KMT2D: variants seen among roughly 807,000 people sequenced by gnomAD.
KMT2D encodes lysine methyltransferase 2D.
A neutral mutation model predicts 512.7 loss-of-function variants in KMT2D; 55 were observed. The ratio of observed to expected loss-of-function variants is 0.11; its 90% CI spans 0.09 to 0.13. The LOEUF is 0.13. Among genes scored for constraint, KMT2D ranks in the 10% least tolerant of loss-of-function variants. The pLI is 1.00. For missense variants in KMT2D, 6,061 were observed against 7,127.9 expected, an observed-to-expected ratio of 0.85 and a Z score of 5.39; for synonymous variants, 2,995 against 2,904.0, an observed-to-expected ratio of 1.03 and a Z score of -1.01.
At position 49,031,777 on chromosome 12, in the gene KMT2D, G is replaced by C; in HGVS notation, c.12928C>G (p.Pro4310Ala). ...PVLGPVHPTP[P>A]PSSPQEPKRP... ...TTTGGCTCTTGAGGGCTGGATGGTG[G>C]AGGTGTGGGATGGACAGGGCCAAGG... Residue 4310 changes from proline to alanine, a missense_variant, in exon 40 of 55, where the codon CCA (proline) becomes GCA (alanine). Physicochemically the swap from Pro to Ala is conservative, Grantham distance 27 (BLOSUM62 -1). Coordinates refer to ENST00000301067, the MANE Select transcript of KMT2D (RefSeq NM_003482.4). The C allele has an allele frequency of 6.2e-7, 1 of 1,611,112 alleles. No homozygotes were observed. Among genetic ancestry groups the C allele is most frequent in the East Asian group, 2.2e-5 (1 of 44,822 alleles).
chr12:49,027,739 C>T (rs1258238361), intron 48 of KMT2D, 64 bp downstream of exon 48: 8 of 1,544,110 alleles, frequency 5.2e-6, no homozygotes, highest in Non-Finnish European at 7.0e-6. Flanking sequence ...CAGATGTGAG[C>T]CACCGCGCCT....
rs1448008808 is a variant in KMT2D, at chr12:49,052,101, GGGGTGACTCTTCCGGTGGAGACAA to G, written c.1558_1581del (p.Leu520_Pro527del). On this transcript the variant is annotated inframe_deletion, in exon 11 of 55. Transcript: ENST00000301067. ...AGAGGCGTCTCAAGTGCAGGAGATGGGGGTGACTCTTCCGGTGGAGACAAGGGCGACTCCTCCAGTGGAGAAAAA... is the reference window on the plus strand; with the variant it reads ...AGAGGCGTCTCAAGTGCAGGAGATGGGGGCGACTCCTCCAGTGGAGAAAAA... 1.2e-6 allele frequency: 2 copies of G among 1,612,710 alleles called. No homozygotes were observed. Among genetic ancestry groups the G allele is most frequent in the Non-Finnish European group, 1.7e-6 (2 of 1,179,490 alleles).
In KMT2D at chr12:49,052,677, G is replaced by A. The variant is rs753213085; in HGVS notation, c.1145C>T (p.Thr382Ile). 6.2e-6 allele frequency: 10 copies of A among 1,613,776 alleles called. No individual in the cohort carries two copies. The highest frequency in any genetic ancestry group is 8.5e-6 in the Non-Finnish European group (10 of 1,179,764). ...FSPPEPGDTP[T>I]DEPDALYVAC... ...AACGTACAGAGCATCGGGCTCGTCAGTGGGGGTATCGCCAGGCTCTGGGGG... is the reference window on the plus strand; with the variant it reads ...AACGTACAGAGCATCGGGCTCGTCAATGGGGGTATCGCCAGGCTCTGGGGG... The change falls in exon 10 of 55, where the codon ACT becomes ATT. Residue 382 changes from threonine to isoleucine, a missense_variant. Physicochemically the swap from Thr to Ile is moderately conservative, Grantham distance 89. Transcript: ENST00000301067.
chr12:49,030,191 C>A, intron 43 of KMT2D, 89 bp downstream of exon 43: 1 of 1,156,564 alleles, frequency 8.6e-7, no homozygotes, highest in South Asian at 1.5e-5. Flanking sequence ...CAGCAGGCAA[C>A]CCACTAATTT....
chr12:49,042,772 G>T lies in KMT2D; in HGVS notation c.5751C>A (p.Ser1917Arg), dbSNP rs746125549. 1.7e-5 allele frequency: 28 copies of T among 1,613,794 alleles called. No individual in the cohort carries two copies. Among genetic ancestry groups the T allele is most frequent in the Non-Finnish European group, 2.4e-5 (28 of 1,179,818 alleles). Residue 1917 changes from serine to arginine, a missense_variant, in exon 27 of 55, where the codon AGC (serine) becomes AGA (arginine). Ser to Arg is a moderately radical substitution (Grantham distance 110). This residue lies in a region of KMT2D where 640 missense variants were observed against 814.3 expected (regional missense o/e 0.79). Transcript: ENST00000301067. The surrounding 1 kb of genome is among the most constrained non-coding windows in gnomAD (Gnocchi z 4.4). The stretch of plus-strand genomic sequence containing the variant: ...GAAAGGGCCTCTGCAGTGGCGTACG[G>T]CTGCCTTCTAGGCCAGGGGTTCCAC... ...LGCGTPGLEG[S>R]RTPLQRPFLQ...
rs886049482 is a variant in KMT2D, at chr12:49,043,927, GCTT to G, written c.5257_5259del (p.Lys1753del). ...CTCTTCTTGCGCCCTCGCCGCTGTT[GCTT>G]CTTCTTCTCATCCCCTTCAGCTAAG... is the stretch of plus-strand genomic sequence containing the variant. On this transcript the variant is annotated inframe_deletion, in exon 23 of 55. Transcript: ENST00000301067. 1.5e-5 allele frequency: 25 copies of G among 1,613,940 alleles called. No homozygotes were observed. The highest frequency in any genetic ancestry group is 3.3e-5 in the Admixed American group (2 of 60,006).
chr12:49,028,797 C>G (rs2120385677), intron 46 of KMT2D, 31 bp downstream of exon 46: 1 of 1,610,722 alleles, frequency 6.2e-7, no homozygotes, highest in Admixed American at 1.7e-5. Flanking sequence ...GATCAGGTTC[C>G]CCTCAGCCTC....
In KMT2D at chr12:49,040,755, C is replaced by G. The variant is rs2120534052; in HGVS notation, c.7015G>C (p.Glu2339Gln). The G allele has an allele frequency of 6.2e-7, 1 of 1,613,450 alleles. No homozygotes were observed. The highest frequency in any genetic ancestry group is 1.1e-5 in the South Asian group (1 of 91,074). The change falls in exon 32 of 55, where the codon GAG (glutamate) becomes CAG (glutamine). Residue 2339 changes from glutamate to glutamine, a missense_variant. Physicochemically the swap from Glu to Gln is conservative, Grantham distance 29. This residue lies in a region of KMT2D where 710 missense variants were observed against 647.3 expected (regional missense o/e 1.10). Transcript: ENST00000301067. ...AGGCCCAAGCCCGGGCTCTGGGGCT[C>G]TACCTGAGATGCCCGAGGGGTCAGG... ...APLTPRASQVEPQSPGLGLRP... is the reference protein window; with the variant it reads ...APLTPRASQVQPQSPGLGLRP...
At position 49,054,057 on chromosome 12, in the gene KMT2D, C is replaced by T. The variant is rs369626386; in HGVS notation, c.594G>A (p.Ala198=). Residue 198 remains alanine, a synonymous_variant, in exon 6 of 55, where the codon GCG becomes GCA. Coordinates refer to ENST00000301067, the MANE Select transcript of KMT2D (RefSeq NM_003482.4). This position sits in a 1 kb window ranked among gnomAD's most constrained non-coding sequence, Gnocchi z 6.4. ...TGGATAGGAAGGAACCGCTGGCAGT[C>T]GCGCAGGGGAAGTGGTAAAGCCGTG... ...GCPRLYHFPC[A]TASGSFLSMK... 11 of 1,613,926 alleles carry T rather than the reference C, an allele frequency of 6.8e-6. No homozygotes were observed. The highest frequency in any genetic ancestry group is 1.7e-5 in the Admixed American group (1 of 60,022).
Position 49,022,722 on chromosome 12 carries a change from A to G in KMT2D, c.16206T>C (p.Ala5402=), listed in dbSNP as rs770816417. Residue 5402 remains alanine (A), a synonymous_variant, in exon 52 of 55, where the codon GCT becomes GCC. Transcript: ENST00000301067. This position sits in a 1 kb window ranked among gnomAD's most constrained non-coding sequence, Gnocchi z 8.6. ...GCCCCAGGCCCTGGATACGGGAGCG[A>G]GCCAGGTACACGTTGTTCTTCCATT... ...RTEWKNNVYL[A]RSRIQGLGLY... The G allele has an allele frequency of 3.7e-6, 6 of 1,613,976 alleles. No individual in the cohort carries two copies. Among genetic ancestry groups the G allele is most frequent in the Non-Finnish European group, 5.1e-6 (6 of 1,179,886 alleles).
chr12:49,040,126 C>A lies in KMT2D; in HGVS notation c.7644G>T (p.Lys2548Asn). 1 of 1,613,850 alleles carries A rather than the reference C, an allele frequency of 6.2e-7. No homozygotes were observed. Among genetic ancestry groups the A allele is most frequent in the Non-Finnish European group, 8.5e-7 (1 of 1,179,836 alleles). ...GGAGACCAGGCTGAGGGACAGGGGGCTTTAGGGAAGGCTCCCCTACTGCCT... is the reference window on the plus strand; with the variant it reads ...GGAGACCAGGCTGAGGGACAGGGGGATTTAGGGAAGGCTCCCCTACTGCCT... ...FPQAVGEPSL[K>N]PPVPQPGLPP... Residue 2548 changes from lysine to asparagine, a missense_variant, in exon 32 of 55, where the codon AAG becomes AAT. Coordinates refer to ENST00000301067, the MANE Select transcript of KMT2D (RefSeq NM_003482.4).
At position 49,024,001 on chromosome 12, in the gene KMT2D, G is replaced by C; in HGVS notation, c.16052+577C>G. On this transcript the variant is annotated intron_variant, in intron 51 of 54. Transcript: ENST00000301067. The surrounding 1 kb of genome is among the most constrained non-coding windows in gnomAD (Gnocchi z 4.5). ...TTGCCTAGTCATTTAATCTTTCTGG[G>C]TCTCAGTTTTCTCAGCTGTAAAATG... 1 of 447,252 alleles carries C rather than the reference G, an allele frequency of 2.2e-6. No homozygotes were observed. The highest frequency in any genetic ancestry group is 3.3e-4 in the Middle Eastern group (1 of 3,012). 27.7% of individuals were successfully genotyped at this position (447,252 alleles called of 1,614,324 possible).
rs1352296082 is a variant in KMT2D at position 49,038,945 on chromosome 12, T to C, written c.8411A>G (p.Tyr2804Cys). 1 of 1,551,728 alleles carries C rather than the reference T, an allele frequency of 6.4e-7. No homozygotes were observed. The highest frequency in any genetic ancestry group is 8.7e-7 in the Non-Finnish European group (1 of 1,147,038). ...GSQAFYQRAP[Y>C]PGSLPLQQQQ... Reference sequence around the variant, plus strand: ...CTGCTGTAAGGGCAGGGACCCAGGATAGGGTGCTCGCTGATAGAAAGCTTG... The same window carrying C: ...CTGCTGTAAGGGCAGGGACCCAGGACAGGGTGCTCGCTGATAGAAAGCTTG... The change falls in exon 35 of 55, where the codon TAT (tyrosine) becomes TGT (cysteine). Residue 2804 changes from tyrosine (Y) to cysteine (C), a missense_variant. Physicochemically the swap from Tyr to Cys is radical, Grantham distance 194. Around this residue, in one of 16 missense-constraint regions of KMT2D, gnomAD observed 527 missense variants for 578.9 expected, o/e 0.91. Transcript: ENST00000301067. This position sits in a 1 kb window ranked among gnomAD's most constrained non-coding sequence, Gnocchi z 5.7.
Position 49,026,231 on chromosome 12 carries a change from G to A in KMT2D, c.15735C>T (p.Val5245=). ...CCAGGTCCTCCAGGCCCTGCTCGAT[G>A]ACTTTGATTACAAACTCCGGCCGCC... ...NNGRPEFVIK[V]IEQGLEDLVF... is the part of the protein sequence containing the mutation. Residue 5245 remains valine, a synonymous_variant, in exon 49 of 55, where the codon GTC becomes GTT. Coordinates refer to ENST00000301067, the MANE Select transcript of KMT2D (RefSeq NM_003482.4). The surrounding 1 kb of genome is among the most constrained non-coding windows in gnomAD (Gnocchi z 9.6). 6.2e-7 allele frequency: 1 copy of A among 1,601,892 alleles called. No homozygotes were observed. The highest frequency in any genetic ancestry group is 8.5e-7 in the Non-Finnish European group (1 of 1,169,910).
rs1159846158 is a variant in KMT2D, at chr12:49,034,895, A to G, written c.10272T>C (p.Ile3424=). ...KFAAEDIIDP[I]AKAKMVALKG... is the part of the protein sequence containing the mutation. ...TCAAAGCCACCATCTTGGCCTTTGC[A>G]ATGGGATCAATGATATCTTCTGCAG... The change falls in exon 36 of 55, where the codon ATT becomes ATC. Residue 3424 remains isoleucine, a synonymous_variant. Transcript: ENST00000301067. 1 of 1,613,996 alleles carries G rather than the reference A, an allele frequency of 6.2e-7. No homozygotes were observed. Among genetic ancestry groups the G allele is most frequent in the Non-Finnish European group, 8.5e-7 (1 of 1,179,906 alleles).
In KMT2D at chr12:49,044,224, T is replaced by C; in HGVS notation, c.5164A>G (p.Ser1722Gly). 1 of 1,612,010 alleles carries C rather than the reference T, an allele frequency of 6.2e-7. No homozygotes were observed. The change falls in exon 22 of 55, where the codon AGT becomes GGT. Residue 1722 changes from serine to glycine, a missense_variant. Around this residue, in one of 16 missense-constraint regions of KMT2D, gnomAD observed 640 missense variants for 814.3 expected, o/e 0.79. Coordinates refer to ENST00000301067, the MANE Select transcript of KMT2D (RefSeq NM_003482.4). This position sits in a 1 kb window ranked among gnomAD's most constrained non-coding sequence, Gnocchi z 6.4. ...CCCTCGTCGGGCTGCCCATCCCCAC[T>C]CAACACCTCCGCCTGTGCAGCAGGC... ...KGPAAQAEVL[S>G]GDGQPDEVIP...
rs1942641823 is a variant in KMT2D at position 49,027,178 on chromosome 12, T to A, written c.14788A>T (p.Thr4930Ser). The change falls in exon 49 of 55, where the codon ACT becomes TCT. Residue 4930 changes from threonine to serine, a missense_variant. Around this residue, in one of 16 missense-constraint regions of KMT2D, gnomAD observed 1,600 missense variants for 1,754.9 expected, o/e 0.91. Coordinates refer to ENST00000301067, the MANE Select transcript of KMT2D (RefSeq NM_003482.4). ...GTGGGAAGTTCAACCAAGGGCTCAGTAGGGGGACTGGCAGGAGAAGGTGCC... is the reference window on the plus strand; with the variant it reads ...GTGGGAAGTTCAACCAAGGGCTCAGAAGGGGGACTGGCAGGAGAAGGTGCC... ...PLAPSPASPP[T>S]EPLVELPTEP... The A allele has an allele frequency of 6.6e-7, 1 of 1,513,936 alleles. No homozygotes were observed. Among genetic ancestry groups the A allele is most frequent in the Non-Finnish European group, 8.8e-7 (1 of 1,130,556 alleles). 93.8% of individuals were successfully genotyped at this position (1,513,936 alleles called of 1,614,324 possible). A position where few individuals can be genotyped will look rare whatever the true frequency, so the allele number is the denominator to read the frequency against.
At chr12:49,055,480 A>C in intron 1 of KMT2D, 119 bp from the exon 2 acceptor site, 1 of 629,066 alleles carries the variant, frequency 1.6e-6, no homozygotes, top group Non-Finnish European at 2.8e-6. Context: ...GCCATACTAC[A>C]AACTCCTATA....
chr12:49,021,699 G>A lies in KMT2D; in HGVS notation c.*81C>T. 8.2e-7 allele frequency: 1 copy of A among 1,214,814 alleles called. No homozygotes were observed. Among genetic ancestry groups the A allele is most frequent in the Non-Finnish European group, 1.2e-6 (1 of 835,502 alleles). 75.3% of individuals were successfully genotyped at this position (1,214,814 alleles called of 1,614,324 possible). A position where few individuals can be genotyped will look rare whatever the true frequency, so the allele number is the denominator to read the frequency against. ...CCAACCCTGGGTCCTGGCTCTGGCT[G>A]CTACCTCTCTTCCCCCTCATCCCTT... On this transcript the variant is annotated 3_prime_UTR_variant, in exon 55 of 55. Coordinates refer to ENST00000301067, the MANE Select transcript of KMT2D (RefSeq NM_003482.4).
Sources: allele counts gnomAD v4.1 joint callset, GRCh38; gene constraint gnomAD v4.1.1; regional missense constraint gnomAD v4.1.1; non-coding constraint Gnocchi (gnomAD v3.1); transcripts MANE v1.5; gene names NCBI Gene and HGNC (gene_info 2026-07-23, HGNC 2026-07-21).